The following PDHX variants were observed in gnomAD, a reference collection of about 807,000 sequenced individuals.
PDHX encodes the protein pyruvate dehydrogenase complex component X, also known as pyruvate dehydrogenase protein X component, mitochondrial.
In PDHX, 33 loss-of-function variants were observed where a neutral mutation model predicts 55.3. The observed-to-expected ratio is 0.60, with a 90% confidence interval of 0.45 to 0.80. The LOEUF (loss-of-function observed/expected upper bound fraction) is 0.80, where lower values mean the gene tolerates loss of function less well. Among genes scored for constraint, PDHX ranks in the 30% least tolerant of loss-of-function variants. The pLI is 0.00. For missense variants in PDHX, 622 were observed against 619.9 expected, an observed-to-expected ratio of 1.00 and a Z score of -0.04; for synonymous variants, 226 against 219.4, an observed-to-expected ratio of 1.03 and a Z score of -0.27.
At chr11:34,917,593 C>G (rs1853763422) in intron 1 of PDHX, among the ~76,000 whole-genome samples, 1 of 152,000 alleles carries the variant, frequency 6.6e-6, no homozygotes, top group African/African-American at 2.4e-5. Flanking sequence ...GACGTATTAC[C>G]TGCCAATCAT....
intron 3 of PDHX, among the ~76,000 whole-genome samples, chr11:34,951,540 GTTGT>G (rs1364455126): frequency 5.9e-5 from 9 of 152,204 alleles, no homozygotes; most frequent in Middle Eastern, 3.4e-3. Context: ...TTTTGATGGG[GTTGT>G]TTGTTTTTTT....
At chr11:34,975,581 T>G (rs1855350193) in intron 7 of PDHX, among the ~76,000 whole-genome samples, 1 of 152,174 alleles carries the variant, frequency 6.6e-6, no homozygotes, top group Non-Finnish European at 1.5e-5. Flanking sequence ...ATTGAATGTT[T>G]TTTTAGTTTC....
At chr11:34,972,863 CACTT>C (rs1479543490) in intron 7 of PDHX, among the ~76,000 whole-genome samples, 1 of 152,156 alleles carries the variant, frequency 6.6e-6, no homozygotes, top group African/African-American at 2.4e-5. Flanking sequence ...TTAGAGAACA[CACTT>C]TATATGATTT....
intron 2 of PDHX, among the ~76,000 whole-genome samples, chr11:34,944,208 C>T (rs1444115218): frequency 6.6e-6 from 1 of 151,994 alleles, no homozygotes; most frequent in Non-Finnish European, 1.5e-5. Context: ...CAACCCCCTT[C>T]TCCCAGGTTC....
At chr11:34,940,584 C>T (rs984341240) in intron 2 of PDHX, among the ~76,000 whole-genome samples, 7 of 152,134 alleles carry the variant, frequency 4.6e-5, no homozygotes, top group African/African-American at 1.7e-4. Flanking sequence ...CATACCATAA[C>T]ATTTACCTAT....
intron 5 of PDHX, 77 bp downstream of exon 5, chr11:34,960,595 C>A: frequency 1.2e-6 from 1 of 854,560 alleles, no homozygotes; most frequent in Non-Finnish European, 1.9e-6. Flanking sequence ...ATAAAAAGAG[C>A]TTATTCAGTC....
At position 34,931,442 on chromosome 11, in the gene PDHX, A is replaced by G. The variant is rs1309556898; in HGVS notation, c.199A>G (p.Thr67Ala). Residue 67 changes from threonine (T) to alanine (A), a missense_variant, in exon 2 of 11, where the codon ACA becomes GCA. By Grantham distance (58) the Thr-to-Ala change is moderately conservative. Coordinates refer to ENST00000227868, the MANE Select transcript of PDHX (RefSeq NM_003477.3). ...GATACTAATGCCATCACTGTCTCCT[A>G]CAATGGAAGAAGGAAACATTGTGAA... ...IKILMPSLSP[T>A]MEEGNIVKWL... 9 of 1,607,940 alleles carry G rather than the reference A, an allele frequency of 5.6e-6. No individual in the cohort carries two copies. Among genetic ancestry groups the G allele is most frequent in the South Asian group, 2.2e-5 (2 of 90,714 alleles).
intron 1 of PDHX, among the ~76,000 whole-genome samples, chr11:34,918,425 A>C (rs1853794829): frequency 7.1e-6 from 1 of 140,092 alleles, no homozygotes; most frequent in Non-Finnish European, 1.5e-5. Context: ...TGACAGAGTG[A>C]GACCCTGTCT....
chr11:34,921,008 A>G (rs75491921), intron 1 of PDHX, among the ~76,000 whole-genome samples: 83 of 152,278 alleles, frequency 5.5e-4, no homozygotes, highest in African/African-American at 2.0e-3. Flanking sequence ...AGTTAATGGT[A>G]TGGTATTTCT....
chr11:34,949,829 A>G (rs892742582), intron 3 of PDHX, among the ~76,000 whole-genome samples: 1 of 152,168 alleles, frequency 6.6e-6, no homozygotes, highest in Admixed American at 6.5e-5. Flanking sequence ...AATGTTTGCA[A>G]TGTATTTATT....
chr11:34,961,543 G>A (rs1045529631), intron 5 of PDHX, among the ~76,000 whole-genome samples: 1 of 152,072 alleles, frequency 6.6e-6, no homozygotes, highest in African/African-American at 2.4e-5. Context: ...TTTGTAAGTC[G>A]AGAGAGAGCA....
At chr11:34,939,081 T>C (rs970888564) in intron 2 of PDHX, among the ~76,000 whole-genome samples, 9 of 152,318 alleles carry the variant, frequency 5.9e-5, no homozygotes, top group African/African-American at 2.2e-4. Context: ...ACTGTATACA[T>C]GGGTGTCAAT....
chr11:34,950,879 G>C (rs1020645004), intron 3 of PDHX, among the ~76,000 whole-genome samples: 1 of 150,154 alleles, frequency 6.7e-6, no homozygotes, highest in Non-Finnish European at 1.5e-5. Flanking sequence ...ATAGTCCTTT[G>C]GGTATATACC....
chr11:34,964,539 G>A (rs1855085940), intron 5 of PDHX, among the ~76,000 whole-genome samples: 1 of 152,066 alleles, frequency 6.6e-6, no homozygotes, highest in Non-Finnish European at 1.5e-5. Flanking sequence ...TGGAGGCGGT[G>A]GTTGCAGTGA....
chr11:34,993,586 T>A (rs910209494), intron 10 of PDHX, among the ~76,000 whole-genome samples: 2 of 152,154 alleles, frequency 1.3e-5, no homozygotes, highest in African/African-American at 2.4e-5. Flanking sequence ...GGTGATTATA[T>A]ATGTGTTGGT....
chr11:34,994,080 T>C (rs964367135), intron 10 of PDHX, among the ~76,000 whole-genome samples: 8 of 152,220 alleles, frequency 5.3e-5, no homozygotes, highest in Non-Finnish European at 1.2e-4. Flanking sequence ...GATGGGGATA[T>C]GAGAAATGCA....
At chr11:34,960,585 AT>A in intron 5 of PDHX, 67 bp downstream of exon 5, 1 of 979,754 alleles carries the variant, frequency 1.0e-6, no homozygotes, top group Non-Finnish European at 1.6e-6. Context: ...TTGAAAGAAA[AT>A]AAAAAGAGCT....
intron 2 of PDHX, among the ~76,000 whole-genome samples, chr11:34,934,136 A>G (rs907564259): frequency 1.3e-5 from 2 of 152,208 alleles, no homozygotes; most frequent in African/African-American, 4.8e-5. Context: ...ACATCACTGT[A>G]TTGCCATTTT....
rs755488601 is a variant in PDHX at position 34,957,526 on chromosome 11, C to T, written c.485C>T (p.Ser162Leu). 27 of 1,614,078 alleles carry T rather than the reference C, an allele frequency of 1.7e-5. 2 individuals are homozygous for T. In the South Asian group the frequency reaches 1.8e-4, roughly 11 times the overall value. The change falls in exon 4 of 11, where the codon TCA (serine) becomes TTA (leucine). Residue 162 changes from serine (S) to leucine (L), a missense_variant. Transcript: ENST00000227868. ...TCAAAACCTTCAGAGCCTCGCCCCT[C>T]ACCAGAACCACAGATTTCCATCCCT... The part of the protein sequence containing the change: ...PVSKPSEPRP[S>L]PEPQISIPVK...
Sources: gnomAD v4.1 joint callset for allele counts (sites outside exome capture counted in the v4.1 genomes callset) on GRCh38, gnomAD v4.1.1 for gene constraint, MANE v1.5 for transcripts, NCBI Gene and HGNC (gene_info 2026-07-23, HGNC 2026-07-21) for gene names.